AGBL1: variants seen among roughly 807,000 people sequenced by gnomAD.
The protein encoded by AGBL1 is AGBL carboxypeptidase 1.
A neutral mutation model predicts 118.9 loss-of-function variants in AGBL1; 130 were observed. That is an observed-to-expected ratio of 1.09 (90% CI 0.95 to 1.26). The LOEUF is 1.26. Ranked by LOEUF, AGBL1 falls within the 50% of genes most tolerant of loss-of-function variation. The pLI is 0.00. For synonymous variants in AGBL1, 555 were observed against 478.9 expected (o/e 1.16, Z -2.08); for missense variants, 1,584 against 1,298.1 (o/e 1.22, Z -3.38).
At chr15:86,930,114 A>G (rs963041844) in intron 23 of AGBL1, among the ~76,000 whole-genome samples, 1 of 152,184 alleles carries the variant, frequency 6.6e-6, no homozygotes, top group Non-Finnish European at 1.5e-5. Flanking sequence ...CAAATAAATG[A>G]TGAATATTAT....
chr15:86,447,429 G>A (rs1244122491), intron 18 of AGBL1, among the ~76,000 whole-genome samples: 1 of 152,182 alleles, frequency 6.6e-6, no homozygotes, highest in Non-Finnish European at 1.5e-5. Context: ...CTGACACCGT[G>A]GAAAGCAGAG....
Position 86,835,585 on chromosome 15 carries a change from GGA to G in AGBL1, c.3159-71490_3159-71489del, listed in dbSNP as rs1002329641. Among the ~76,000 whole-genome samples, 3 of 151,986 alleles carry G rather than the reference GGA, an allele frequency of 2.0e-5. No homozygotes were observed. In the South Asian group the frequency reaches 6.2e-4, roughly 32 times the overall value. ...TGGTAAGCAGGTTCAAAAAAAGGGA[GGA>G]GAGAGAGAGAGGAAGAAGTAGAAGG... On this transcript the variant is annotated intron_variant, in intron 22 of 22. Transcript: ENST00000614907.
At chr15:86,808,675 C>T (rs2141363573) in intron 22 of AGBL1, among the ~76,000 whole-genome samples, 1 of 141,594 alleles carries the variant, frequency 7.1e-6, no homozygotes, top group Middle Eastern at 3.9e-3. Context: ...CCTTCCTTTT[C>T]TTTCCTTCCT....
intron 5 of AGBL1, among the ~76,000 whole-genome samples, chr15:86,191,939 A>C (rs1404746873): frequency 6.6e-6 from 1 of 151,300 alleles, no homozygotes; most frequent in African/African-American, 2.4e-5. Flanking sequence ...AAAAAACACA[A>C]AAAACACAAA....
Position 86,989,876 on chromosome 15 carries a change from C to T in AGBL1, c.3323+1788C>T, listed in dbSNP as rs992717377. On this transcript the variant is annotated intron_variant, in intron 24 of 24. Coordinates refer to the AGBL1 transcript ENST00000441037. ...CTTTCCAGGCAATGGAATTGGCAAG[C>T]GCAAAGGCCCTGTGGCAGAAAGAAG... Among the ~76,000 whole-genome samples the T allele has an allele frequency of 6.6e-5, 10 of 152,086 alleles. No homozygotes were observed. The East Asian group carries it at 1.2e-3, about 18-fold the overall frequency.
chr15:86,808,470 T>C (rs1490422708), intron 22 of AGBL1, among the ~76,000 whole-genome samples: 2 of 152,160 alleles, frequency 1.3e-5, no homozygotes, highest in Non-Finnish European at 2.9e-5. Context: ...GAATGAGAGA[T>C]ATAAAAATGG....
chr15:86,090,229 C>T (rs757468287), intron 1 of AGBL1, among the ~76,000 whole-genome samples: 68 of 152,138 alleles, frequency 4.5e-4, no homozygotes, highest in Non-Finnish European at 2.2e-4. Context: ...TTCCATTCAC[C>T]AGTCTACAGC....
chr15:86,670,648 G>A (rs201359440), intron 21 of AGBL1, among the ~76,000 whole-genome samples: 2 of 41,678 alleles, frequency 4.8e-5, no homozygotes, highest in Non-Finnish European at 1.0e-4. Context: ...GTGTGTGTGT[G>A]TGTATATATA....
chr15:86,739,395 A>C (rs1036831428), intron 22 of AGBL1, among the ~76,000 whole-genome samples: 2 of 140,262 alleles, frequency 1.4e-5, no homozygotes, highest in Non-Finnish European at 3.0e-5. Flanking sequence ...GTGAGCCAAG[A>C]TCGTGCCATT....
intron 17 of AGBL1, among the ~76,000 whole-genome samples, chr15:86,361,642 ATG>A (rs1222608511): frequency 6.6e-6 from 1 of 152,066 alleles, no homozygotes; most frequent in Non-Finnish European, 1.5e-5. Flanking sequence ...TTGGGGGCAT[ATG>A]TAATTTTAAT....
downstream of AGBL1, among the ~76,000 whole-genome samples, chr15:86,917,729 T>C (rs80335308): frequency 0.017 from 2,585 of 152,032 alleles, 70 homozygotes; most frequent in African/African-American, 0.059. The surrounding 1 kb of genome is among the most constrained non-coding windows in gnomAD (Gnocchi z 4.8). Flanking sequence ...GTGCATTAGA[T>C]GGTACCAAAG....
chr15:86,201,044 TAA>T lies in AGBL1; in HGVS notation c.489-23869_489-23868del, dbSNP rs1182669903. ...ATAATTACAATTATACTAATAATCA[TAA>T]GTTTATTAAAGTATGTATTCAATGA... On this transcript the variant is annotated intron_variant, in intron 5 of 22. Transcript: ENST00000614907. Among the ~76,000 whole-genome samples the T allele has an allele frequency of 4.6e-5, 7 of 152,322 alleles. No individual in the cohort carries two copies. The East Asian group carries it at 1.3e-3, about 29-fold the overall frequency.
At chr15:87,021,317 C>T (rs942600081) in intron 24 of AGBL1, among the ~76,000 whole-genome samples, 1 of 152,136 alleles carries the variant, frequency 6.6e-6, no homozygotes, top group Non-Finnish European at 1.5e-5. Context: ...GGACCTCTTC[C>T]TTACACGATA....
At chr15:86,230,489 A>C (rs770580054) in intron 6 of AGBL1, among the ~76,000 whole-genome samples, 2 of 152,192 alleles carry the variant, frequency 1.3e-5, no homozygotes, top group Non-Finnish European at 2.9e-5. Flanking sequence ...CTGTCACTGA[A>C]CTTGCATGTA....
chr15:86,755,723 A>G (rs2077929038), intron 22 of AGBL1, among the ~76,000 whole-genome samples: 1 of 152,102 alleles, frequency 6.6e-6, no homozygotes, highest in African/African-American at 2.4e-5. Flanking sequence ...TGTTGAGAGT[A>G]GACAGTGAGT....
chr15:86,720,272 C>T (rs948426180), intron 22 of AGBL1, among the ~76,000 whole-genome samples: 3 of 152,118 alleles, frequency 2.0e-5, no homozygotes, highest in Admixed American at 2.0e-4. Context: ...GTTTTTTCAC[C>T]TGGATGAATA....
intron 24 of AGBL1, among the ~76,000 whole-genome samples, chr15:87,003,514 C>T (rs1350908478): frequency 6.6e-6 from 1 of 152,112 alleles, no homozygotes; most frequent in African/African-American, 2.4e-5. Context: ...GGAGAATTCC[C>T]TCTTTTTCTA....
intron 17 of AGBL1, among the ~76,000 whole-genome samples, chr15:86,396,430 G>A (rs2081365613): frequency 6.6e-6 from 1 of 152,088 alleles, no homozygotes; most frequent in Non-Finnish European, 1.5e-5. Flanking sequence ...GACTGTTCAT[G>A]TCAATACACT....
At chr15:86,790,062 G>A (rs16977987) in intron 22 of AGBL1, among the ~76,000 whole-genome samples, 14,565 of 152,018 alleles carry the variant, frequency 0.096, 1,296 homozygotes, top group African/African-American at 0.21. Flanking sequence ...ACATGATGAT[G>A]CATTCTCATT....
Sources: allele counts gnomAD v4.1 joint callset (sites outside exome capture counted in the v4.1 genomes callset), GRCh38; gene constraint gnomAD v4.1.1; non-coding constraint Gnocchi (gnomAD v3.1); transcripts MANE v1.5; gene names NCBI Gene and HGNC (gene_info 2026-07-23, HGNC 2026-07-21).